HMGB1: variants seen among roughly 807,000 people sequenced by gnomAD.
The protein encoded by HMGB1 is high mobility group box 1, also known as high mobility group protein B1.
For synonymous variants in HMGB1, 81 were observed against 84.0 expected, an observed-to-expected ratio of 0.96 and a Z score of 0.19; for missense variants, 79 against 253.5, an observed-to-expected ratio of 0.31 and a Z score of 4.67.
upstream of HMGB1, among the ~76,000 whole-genome samples, chr13:30,466,129 G>A (rs1296371118): frequency 2.6e-5 from 4 of 152,168 alleles, no homozygotes; most frequent in Admixed American, 2.6e-4. Context: ...GGCGGGAGAG[G>A]CAGAGGCAGA....
chr13:30,491,535 C>T (rs865791176), intron 1 of HMGB1, among the ~76,000 whole-genome samples: 2 of 151,658 alleles, frequency 1.3e-5, no homozygotes, highest in African/African-American at 2.4e-5. Flanking sequence ...TGGTGGTGCA[C>T]GCCTGTAATT....
At chr13:30,472,556 G>A (rs1886970774) in intron 1 of HMGB1, among the ~76,000 whole-genome samples, 1 of 152,124 alleles carries the variant, frequency 6.6e-6, no homozygotes, top group Non-Finnish European at 1.5e-5. Context: ...AGCTGAGATG[G>A]TGCCACTGCA....
At position 30,459,120 on chromosome 13, in the gene HMGB1, A is replaced by G. The variant is rs528286285; in HGVS notation, c.*2237T>C. On this transcript the variant is annotated 3_prime_UTR_variant, in exon 5 of 5. Coordinates refer to ENST00000341423, the MANE Select transcript of HMGB1 (RefSeq NM_002128.7). Reference sequence around the variant, plus strand: ...CAGCACTGTAACTATCTTGGCATTAAAATAGTTTCTATACACTTTCTAAAA... The same window carrying G: ...CAGCACTGTAACTATCTTGGCATTAGAATAGTTTCTATACACTTTCTAAAA... 2 of 152,286 alleles carry G rather than the reference A, an allele frequency of 1.3e-5. No individual in the cohort carries two copies. Among genetic ancestry groups the G allele is most frequent in the East Asian group, 3.9e-4 (2 of 5,192 alleles). 9.4% of individuals were successfully genotyped at this position (152,286 alleles called of 1,614,324 possible).
At chr13:30,538,693 C>CCTTTCTTTCTTTA (rs1555238893) in intron 1 of HMGB1, among the ~76,000 whole-genome samples, 6 of 111,860 alleles carry the variant, frequency 5.4e-5, no homozygotes, top group Admixed American at 9.7e-5. Context: ...TCCTTTCTTT[C>CCTTTCTTTCTTTA]TTTCTTTCTT....
At chr13:30,462,103 A>C (rs1886383377) in intron 4 of HMGB1, among the ~76,000 whole-genome samples, 1 of 152,250 alleles carries the variant, frequency 6.6e-6, no homozygotes, top group Non-Finnish European at 1.5e-5. Context: ...ACAGAGCAGC[A>C]GACTTGTAAT....
chr13:30,575,838 T>C (rs1870631688), intron 1 of HMGB1, among the ~76,000 whole-genome samples: 1 of 152,100 alleles, frequency 6.6e-6, no homozygotes, highest in Admixed American at 6.5e-5. Flanking sequence ...TCCCTTGAGC[T>C]CACGAGTTTG....
At chr13:30,545,474 T>C (rs763826016) in intron 1 of HMGB1, among the ~76,000 whole-genome samples, 22 of 151,956 alleles carry the variant, frequency 1.4e-4, no homozygotes, top group Non-Finnish European at 2.6e-4. Context: ...CCCCATGTAA[T>C]AGAAGAGGTT....
At position 30,509,246 on chromosome 13, in the gene HMGB1, CT is replaced by C. The variant is rs577983392; in HGVS notation, c.-14-45553del. On this transcript the variant is annotated intron_variant, in intron 1 of 4. Transcript: ENST00000405805. ...AGTCACTGCGCCCAGCACCAATATT[CT>C]TTTTTTTTTGAGATGGAATCTCACT... 1.2e-3 allele frequency among the ~76,000 whole-genome samples: 166 copies of C among 143,048 alleles called. No individual in the cohort carries two copies. In the Middle Eastern group the frequency reaches 0.015, roughly 13 times the overall value. 93.8% of individuals were successfully genotyped at this position (143,048 alleles called of 152,430 possible). A position where few individuals can be genotyped will look rare whatever the true frequency, so the allele number is the denominator to read the frequency against.
At chr13:30,574,979 G>A (rs1870584261) in intron 1 of HMGB1, among the ~76,000 whole-genome samples, 1 of 152,158 alleles carries the variant, frequency 6.6e-6, no homozygotes, top group Non-Finnish European at 1.5e-5. Context: ...TACTAAAGAT[G>A]TGTCTGTTGG....
In HMGB1 at chr13:30,588,818, G is replaced by A. The variant is rs185956998; in HGVS notation, c.-15+27853C>T. Among the ~76,000 whole-genome samples, 530 of 152,032 alleles carry A rather than the reference G, an allele frequency of 3.5e-3. 1 individual carries two copies. Among genetic ancestry groups the A allele is most frequent in the African/African-American group, 0.011 (454 of 41,488 alleles). On this transcript the variant is annotated intron_variant, in intron 1 of 4. Transcript: ENST00000405805. The stretch of plus-strand genomic sequence containing the variant: ...TGTAGTCCCAGCTATTTGGGAGGCT[G>A]AGGCAGGAGACTCGCTTGAATCTGG...
At chr13:30,579,111 C>G (rs1870789341) in intron 1 of HMGB1, among the ~76,000 whole-genome samples, 1 of 152,090 alleles carries the variant, frequency 6.6e-6, no homozygotes, top group Non-Finnish European at 1.5e-5. Context: ...TAGAACTGTA[C>G]CTGAGACATA....
At chr13:30,529,394 G>C (rs2137484286) in intron 1 of HMGB1, among the ~76,000 whole-genome samples, 1 of 152,326 alleles carries the variant, frequency 6.6e-6, no homozygotes, top group South Asian at 2.1e-4. Context: ...AATGAGGCAA[G>C]AAGTAACTGA....
intron 1 of HMGB1, among the ~76,000 whole-genome samples, chr13:30,525,279 C>T (rs2137479280): frequency 6.6e-6 from 1 of 152,284 alleles, no homozygotes; most frequent in East Asian, 1.9e-4. Context: ...ATTTTGTTGT[C>T]ATCACCATTG....
At chr13:30,463,763 T>C (rs1886511814) in intron 1 of HMGB1, 69 bp from the exon 2 acceptor site, 4 of 1,052,474 alleles carry the variant, frequency 3.8e-6, no homozygotes, top group Non-Finnish European at 5.4e-6. Flanking sequence ...AAGTACTTAG[T>C]AAGGGAATGA....
chr13:30,477,442 G>A (rs1039202830), intron 1 of HMGB1, among the ~76,000 whole-genome samples: 4 of 152,148 alleles, frequency 2.6e-5, no homozygotes, highest in Non-Finnish European at 5.9e-5. Flanking sequence ...TGATTGAATA[G>A]GACAGAAAGG....
In HMGB1 at chr13:30,462,723, A is replaced by AG. The variant is rs780796190; in HGVS notation, c.297-12_297-11insC. On this transcript the variant is annotated splice_polypyrimidine_tract_variant and intron_variant, in intron 3 of 4. Transcript: ENST00000341423. ...AGGAAGAAGGCCGAACTAAAAAAAA[A>AG]ATTAATTTTAGGATTTTAAGTTAAC... The AG allele has an allele frequency of 1.2e-6, 2 of 1,608,386 alleles. No individual in the cohort carries two copies. Among genetic ancestry groups the AG allele is most frequent in the African/African-American group, 2.7e-5 (2 of 74,404 alleles).
intron 1 of HMGB1, among the ~76,000 whole-genome samples, chr13:30,602,076 C>T (rs1248970722): frequency 6.6e-6 from 1 of 152,132 alleles, no homozygotes; most frequent in African/African-American, 2.4e-5. Context: ...ACACCAGTAC[C>T]ACAGCCTCAG....
At chr13:30,581,189 G>C (rs1448753220) in intron 1 of HMGB1, among the ~76,000 whole-genome samples, 1 of 152,190 alleles carries the variant, frequency 6.6e-6, no homozygotes, top group Non-Finnish European at 1.5e-5. Flanking sequence ...GAGGGAATCA[G>C]ATCCAGAAAG....
At chr13:30,554,584 G>T (rs1246721861) in intron 1 of HMGB1, 3 of 771,360 alleles carry the variant, frequency 3.9e-6, no homozygotes, top group African/African-American at 1.7e-5. Flanking sequence ...ATCATTCACC[G>T]AACAAAATAA....
Sources: gnomAD v4.1 joint callset for allele counts (sites outside exome capture counted in the v4.1 genomes callset) on GRCh38, gnomAD v4.1.1 for gene constraint, MANE v1.5 for transcripts, NCBI Gene and HGNC (gene_info 2026-07-23, HGNC 2026-07-21) for gene names.